Variants in CDKAL1 observed in about 807,000 individuals in gnomAD.
CDKAL1 encodes CDKAL1 threonylcarbamoyladenosine tRNA methylthiotransferase.
CDKAL1 carries 32 observed loss-of-function variants against 68.2 expected under a neutral mutation model. That is an observed-to-expected ratio of 0.47 (90% CI 0.35 to 0.63). The LOEUF is 0.63. CDKAL1 is among the 30% of genes least tolerant of loss of function. The pLI, the probability that CDKAL1 is intolerant of heterozygous loss-of-function variation, is 0.00. For missense variants in CDKAL1, 606 were observed against 696.7 expected, an observed-to-expected ratio of 0.87 and a Z score of 1.47; for synonymous variants, 234 against 244.3, an observed-to-expected ratio of 0.96 and a Z score of 0.39.
chr6:21,049,829 T>A (rs906145363), intron 11 of CDKAL1, among the ~76,000 whole-genome samples: 1 of 152,038 alleles, frequency 6.6e-6, no homozygotes, highest in Non-Finnish European at 1.5e-5. Flanking sequence ...TTTTTTTTTT[T>A]TTTAGCCTAT....
chr6:20,763,550 A>T (rs1774562414), intron 7 of CDKAL1, among the ~76,000 whole-genome samples: 1 of 152,186 alleles, frequency 6.6e-6, no homozygotes, highest in South Asian at 2.1e-4. Flanking sequence ...GCCTGACAAG[A>T]GGATTTTGCT....
intron 6 of CDKAL1, 22 bp from the exon 7 acceptor site, chr6:20,758,573 A>G: frequency 6.3e-7 from 1 of 1,584,824 alleles, no homozygotes; most frequent in Non-Finnish European, 8.6e-7. Context: ...TTACTTGTGT[A>G]ATCGTTTTTT....
chr6:20,926,331 C>T (rs1442607961), intron 9 of CDKAL1, among the ~76,000 whole-genome samples: 10 of 151,908 alleles, frequency 6.6e-5, no homozygotes, highest in Non-Finnish European at 1.2e-4. Context: ...TAAGAGTTAA[C>T]ATTACTTTGG....
chr6:20,788,143 T>C (rs1444408967), intron 8 of CDKAL1, among the ~76,000 whole-genome samples: 1 of 152,216 alleles, frequency 6.6e-6, no homozygotes, highest in East Asian at 1.9e-4. Flanking sequence ...CTTCTAGTAT[T>C]GACTAAAGAT....
At chr6:21,073,117 A>G (rs1268529562) in intron 12 of CDKAL1, among the ~76,000 whole-genome samples, 1 of 152,152 alleles carries the variant, frequency 6.6e-6, no homozygotes, top group Non-Finnish European at 1.5e-5. Flanking sequence ...GCTTAGTAAT[A>G]TACATTTAAG....
chr6:21,039,653 C>G (rs1769800731), intron 11 of CDKAL1, among the ~76,000 whole-genome samples: 1 of 152,078 alleles, frequency 6.6e-6, no homozygotes, highest in Non-Finnish European at 1.5e-5. Context: ...CTTCAGAGTT[C>G]TAAAAGGCTT....
intron 8 of CDKAL1, among the ~76,000 whole-genome samples, chr6:20,819,828 ATATT>A (rs929394637): frequency 2.0e-5 from 3 of 151,974 alleles, no homozygotes; most frequent in African/African-American, 7.2e-5. Context: ...TTTTTGTTAA[ATATT>A]TATTTTTATT....
chr6:21,074,595 T>C (rs1282472467), intron 12 of CDKAL1, among the ~76,000 whole-genome samples: 1 of 152,066 alleles, frequency 6.6e-6, no homozygotes, highest in African/African-American at 2.4e-5. Context: ...GAAGCAAAAA[T>C]GGTGAAACTT....
chr6:20,751,190 C>T (rs188142555), intron 6 of CDKAL1, among the ~76,000 whole-genome samples: 28 of 152,106 alleles, frequency 1.8e-4, no homozygotes, highest in African/African-American at 6.5e-4. Context: ...ACAGAACCTT[C>T]GACTGCAGAG....
chr6:20,939,333 A>G (rs1260522479), intron 9 of CDKAL1, among the ~76,000 whole-genome samples: 1 of 152,168 alleles, frequency 6.6e-6, no homozygotes, highest in East Asian at 1.9e-4. Flanking sequence ...ATGAAAGAGA[A>G]CCTTTCTAGG....
rs7754840 is a variant in CDKAL1 at position 20,661,019 on chromosome 6, G to C, written c.371+11642G>C. 0.4 allele frequency among the ~76,000 whole-genome samples: 60,117 copies of C among 151,824 alleles called. 13,023 individuals are homozygous for C. The highest frequency in any genetic ancestry group is 0.58 in the African/African-American group (24,127 of 41,392). Reference sequence around the variant, plus strand: ...GGGGAAGAAGTAGTAATGTTGGAAAGGTTGACTTGATAGAGGATTTTGTAA... The same window carrying C: ...GGGGAAGAAGTAGTAATGTTGGAAACGTTGACTTGATAGAGGATTTTGTAA... On this transcript the variant is annotated intron_variant, in intron 5 of 15. Coordinates refer to ENST00000274695, the MANE Select transcript of CDKAL1 (RefSeq NM_017774.3).
chr6:21,137,868 A>T (rs957019359), intron 13 of CDKAL1, among the ~76,000 whole-genome samples: 1 of 152,214 alleles, frequency 6.6e-6, no homozygotes, highest in Non-Finnish European at 1.5e-5. Flanking sequence ...ACAGCTATTC[A>T]GTTTTTCATT....
chr6:21,061,776 T>C (rs1771149336), intron 11 of CDKAL1, among the ~76,000 whole-genome samples: 1 of 152,188 alleles, frequency 6.6e-6, no homozygotes, highest in Non-Finnish European at 1.5e-5. Context: ...TTTGCGTATA[T>C]AAAATTAATG....
intron 4 of CDKAL1, among the ~76,000 whole-genome samples, chr6:20,637,356 A>G (rs12206285): frequency 0.012 from 1,766 of 152,222 alleles, 15 homozygotes; most frequent in Non-Finnish European, 0.016. Context: ...TGAGGTCAGG[A>G]GTTCAAGACC....
intron 12 of CDKAL1, among the ~76,000 whole-genome samples, chr6:21,072,134 T>A (rs1207709944): frequency 6.6e-6 from 1 of 152,190 alleles, no homozygotes; most frequent in African/African-American, 2.4e-5. Context: ...TTATGGCAGA[T>A]CTTCAACTCT....
chr6:20,549,580 ATATTTATTTATTTATTTATT>A lies in CDKAL1; in HGVS notation c.286+898_286+917del, dbSNP rs55998379. Among the ~76,000 whole-genome samples, 110 of 147,866 alleles carry A rather than the reference ATATTTATTTATTTATTTATT, an allele frequency of 7.4e-4. 1 individual carries two copies. Among genetic ancestry groups the A allele is most frequent in the Admixed American group, 1.4e-3 (21 of 14,796 alleles). Reference sequence around the variant, plus strand: ...CTGCTATCTTGTTTTCTTTACATTTATATTTATTTATTTATTTATTTATTTATTTATTTATTTATTTACTT... The same window carrying A: ...CTGCTATCTTGTTTTCTTTACATTTATATTTATTTATTTATTTATTTACTT... On this transcript the variant is annotated intron_variant, in intron 4 of 15. Coordinates refer to ENST00000274695, the MANE Select transcript of CDKAL1 (RefSeq NM_017774.3).
At position 20,546,506 on chromosome 6, in the gene CDKAL1, C is replaced by G. The variant is rs1376547766; in HGVS notation, c.156C>G (p.Asn52Lys). 1.2e-6 allele frequency: 2 copies of G among 1,613,724 alleles called. No individual in the cohort carries two copies. The highest frequency in any genetic ancestry group is 3.3e-5 in the Admixed American group (2 of 59,894). Residue 52 changes from asparagine to lysine, a missense_variant, in exon 3 of 16, where the codon AAC becomes AAG. Asn to Lys is a moderately conservative substitution (Grantham distance 94). Transcript: ENST00000274695. Reference sequence around the variant, plus strand: ...AAAAATATTTGCAAGAGGAAGAAAACAGTCCACCAAGTGACAGGTAAGCTT... The same window carrying G: ...AAAAATATTTGCAAGAGGAAGAAAAGAGTCCACCAAGTGACAGGTAAGCTT... The part of the protein sequence containing the change: ...NTQKYLQEEE[N>K]SPPSDSTIPG...
At chr6:21,210,663 A>G (rs1411784879) in intron 15 of CDKAL1, among the ~76,000 whole-genome samples, 1 of 152,218 alleles carries the variant, frequency 6.6e-6, no homozygotes, top group East Asian at 1.9e-4. Context: ...CAAATGTTAA[A>G]TTGGTTGGCG....
At chr6:20,992,457 A>G (rs1488562341) in intron 10 of CDKAL1, among the ~76,000 whole-genome samples, 3 of 152,140 alleles carry the variant, frequency 2.0e-5, no homozygotes, top group Non-Finnish European at 4.4e-5. Flanking sequence ...TGCCATTAGA[A>G]TGTTTGTGTT....
Sources: gnomAD v4.1 joint callset for allele counts (sites outside exome capture counted in the v4.1 genomes callset) on GRCh38, gnomAD v4.1.1 for gene constraint, MANE v1.5 for transcripts, NCBI Gene and HGNC (gene_info 2026-07-23, HGNC 2026-07-21) for gene names.